Variants in FGF14 observed in about 807,000 individuals in gnomAD.
FGF14 encodes fibroblast growth factor homologous factor 4.
A neutral mutation model predicts 25.5 loss-of-function variants in FGF14; 5 were observed. The ratio of observed to expected loss-of-function variants is 0.20; its 90% CI spans 0.10 to 0.41. FGF14 has a LOEUF of 0.41. Among genes scored for constraint, FGF14 ranks in the 10% least tolerant of loss-of-function variants. The pLI is 1.00. For synonymous variants in FGF14, 138 were observed against 118.3 expected, an observed-to-expected ratio of 1.17 and a Z score of -1.08; for missense variants, 222 against 320.1, an observed-to-expected ratio of 0.69 and a Z score of 2.34.
At chr13:102,193,801 C>T (rs1369157643) in intron 1 of FGF14, among the ~76,000 whole-genome samples, 1 of 152,100 alleles carries the variant, frequency 6.6e-6, no homozygotes, top group Non-Finnish European at 1.5e-5. Context: ...AGAGTTGCTA[C>T]ATCATATTAT....
chr13:102,137,011 G>A (rs2046442098), intron 1 of FGF14, among the ~76,000 whole-genome samples: 1 of 152,104 alleles, frequency 6.6e-6, no homozygotes, highest in Non-Finnish European at 1.5e-5. Context: ...CTGAAACTAG[G>A]CCATACTGCT....
At chr13:102,086,594 A>C (rs2140224391) in intron 1 of FGF14, among the ~76,000 whole-genome samples, 1 of 152,358 alleles carries the variant, frequency 6.6e-6, no homozygotes, top group Non-Finnish European at 1.5e-5. Context: ...TGAGAATTTA[A>C]GGTATTTTCT....
chr13:102,129,425 C>T (rs1040925523), intron 1 of FGF14, among the ~76,000 whole-genome samples: 1 of 151,970 alleles, frequency 6.6e-6, no homozygotes, highest in South Asian at 2.1e-4. Context: ...AGTGGACGAG[C>T]GTTGAACCTG....
At chr13:101,854,076 C>A (rs964766322) in intron 3 of FGF14, among the ~76,000 whole-genome samples, 3 of 151,908 alleles carry the variant, frequency 2.0e-5, no homozygotes, top group African/African-American at 7.2e-5. Flanking sequence ...GAGATATGTT[C>A]CTAACGCAGG....
intron 1 of FGF14, among the ~76,000 whole-genome samples, chr13:102,173,729 A>G (rs9554852): frequency 0.1 from 15,198 of 152,232 alleles, 2,073 homozygotes; most frequent in East Asian, 0.7. Context: ...ATCAAAGGAC[A>G]AATACAGCAT....
chr13:102,082,965 AG>A (rs1277904846), intron 1 of FGF14, among the ~76,000 whole-genome samples: 1 of 152,096 alleles, frequency 6.6e-6, no homozygotes, highest in Non-Finnish European at 1.5e-5. Flanking sequence ...CTCAAAAAAA[AG>A]AAAAAAAGAG....
chr13:101,836,343 C>G (rs1422762554), intron 3 of FGF14, among the ~76,000 whole-genome samples: 1 of 152,040 alleles, frequency 6.6e-6, no homozygotes, highest in Admixed American at 6.6e-5. Context: ...TCAGCAATAA[C>G]TAGATAGGCC....
chr13:101,742,811 A>C (rs960984388), intron 3 of FGF14, among the ~76,000 whole-genome samples: 28 of 152,232 alleles, frequency 1.8e-4, no homozygotes, highest in African/African-American at 5.8e-4. Flanking sequence ...CCTCCCTCGC[A>C]ATTTGTCCAC....
chr13:101,815,207 T>C (rs1391506371), intron 3 of FGF14, among the ~76,000 whole-genome samples: 5 of 152,164 alleles, frequency 3.3e-5, no homozygotes, highest in African/African-American at 1.2e-4. Context: ...ATGTTTTTGG[T>C]AAATTACCAT....
At chr13:101,843,133 T>C (rs1387299081) in intron 3 of FGF14, among the ~76,000 whole-genome samples, 3 of 152,074 alleles carry the variant, frequency 2.0e-5, no homozygotes, top group East Asian at 1.9e-4. Context: ...AAGGCAGAAG[T>C]TAAATGTATC....
intron 1 of FGF14, among the ~76,000 whole-genome samples, chr13:102,345,165 C>T (rs1330824753): frequency 6.6e-6 from 1 of 152,208 alleles, no homozygotes; most frequent in African/African-American, 2.4e-5. Context: ...ACTCTACCTA[C>T]TTACTCAGGT....
intron 3 of FGF14, among the ~76,000 whole-genome samples, chr13:101,838,900 C>T (rs186539067): frequency 1.0e-3 from 153 of 152,162 alleles, no homozygotes; most frequent in Non-Finnish European, 1.5e-3. Flanking sequence ...TTTTCAGACA[C>T]GTTTTTGTCT....
intron 1 of FGF14, among the ~76,000 whole-genome samples, chr13:102,227,948 C>T (rs2050903669): frequency 6.6e-6 from 1 of 152,144 alleles, no homozygotes; most frequent in Admixed American, 6.6e-5. Flanking sequence ...CTCTCAGACA[C>T]TTCCAGATTT....
At chr13:102,300,668 A>G (rs1396829893) in intron 1 of FGF14, among the ~76,000 whole-genome samples, 1 of 152,134 alleles carries the variant, frequency 6.6e-6, no homozygotes, top group Non-Finnish European at 1.5e-5. Context: ...AGAATATTAG[A>G]TTTGTTTGAA....
At chr13:102,053,482 T>C (rs2042302425) in intron 1 of FGF14, among the ~76,000 whole-genome samples, 1 of 152,056 alleles carries the variant, frequency 6.6e-6, no homozygotes, top group Non-Finnish European at 1.5e-5. Flanking sequence ...AACCGATCAA[T>C]TAAAGAACAA....
At chr13:101,802,307 GT>G in intron 3 of FGF14, 1 of 212,052 alleles carries the variant, frequency 4.7e-6, no homozygotes, top group Non-Finnish European at 9.8e-6. Flanking sequence ...TGAAAGAGAG[GT>G]ATGAGAAGGA....
At chr13:102,393,371 T>G (rs926470264) in intron 1 of FGF14, among the ~76,000 whole-genome samples, 2 of 152,104 alleles carry the variant, frequency 1.3e-5, no homozygotes, top group Non-Finnish European at 2.9e-5. Flanking sequence ...TTGTTTTTTG[T>G]TTTTTTGAGA....
At chr13:101,987,571 T>C (rs1179973443) in intron 1 of FGF14, among the ~76,000 whole-genome samples, 1 of 152,164 alleles carries the variant, frequency 6.6e-6, no homozygotes, top group Non-Finnish European at 1.5e-5. Context: ...ACATAATTTA[T>C]ATAAGAAAGT....
chr13:102,030,162 T>C (rs1310362835), intron 1 of FGF14, among the ~76,000 whole-genome samples: 2 of 152,120 alleles, frequency 1.3e-5, no homozygotes, highest in African/African-American at 4.8e-5. Flanking sequence ...TGACATACTT[T>C]AGTAAAAGAA....
Sources: gnomAD v4.1 joint callset for allele counts (sites outside exome capture counted in the v4.1 genomes callset) on GRCh38, gnomAD v4.1.1 for gene constraint, MANE v1.5 for transcripts, NCBI Gene and HGNC (gene_info 2026-07-23, HGNC 2026-07-21) for gene names.